WDFY3: variants seen among roughly 807,000 people sequenced by gnomAD.
The protein encoded by WDFY3 is WD repeat and FYVE domain-containing protein 3.
A neutral mutation model predicts 409.6 loss-of-function variants in WDFY3; 66 were observed. The observed-to-expected ratio is 0.16, with a 90% CI of 0.13 to 0.20. WDFY3 has a LOEUF of 0.20. Ranked by LOEUF, WDFY3 falls within the 10% of genes least tolerant of loss-of-function variation. WDFY3 has a pLI of 1.00. For synonymous variants in WDFY3, 1,521 were observed against 1,537.1 expected, an observed-to-expected ratio of 0.99 and a Z score of 0.25; for missense variants, 3,031 against 4,298.1, an observed-to-expected ratio of 0.71 and a Z score of 8.24.
intron 1 of WDFY3, among the ~76,000 whole-genome samples, chr4:84,964,719 T>C (rs1484161961): frequency 6.6e-6 from 1 of 152,210 alleles, no homozygotes; most frequent in African/African-American, 2.4e-5. Flanking sequence ...AATTGTTTTC[T>C]CTTTGTTGCC....
chr4:84,673,187 C>G (rs990804114), intron 67 of WDFY3, among the ~76,000 whole-genome samples, 196 bp from the exon 68 acceptor site: 27 of 152,012 alleles, frequency 1.8e-4, no homozygotes, highest in African/African-American at 6.3e-4. Context: ...AGTATTAAAC[C>G]AGGGAAGCTA....
chr4:84,769,434 A>G (rs1335706194), intron 30 of WDFY3, among the ~76,000 whole-genome samples: 4 of 152,086 alleles, frequency 2.6e-5, no homozygotes, highest in Admixed American at 1.3e-4. Flanking sequence ...TATTTTTTTG[A>G]GACGAAGTCT....
chr4:84,829,183 CTCTT>C lies in WDFY3; in HGVS notation c.773_776del (p.Lys258SerfsTer19). The C allele has an allele frequency of 6.4e-7, 1 of 1,561,394 alleles. No individual in the cohort carries two copies. The highest frequency in any genetic ancestry group is 8.7e-7 in the Non-Finnish European group (1 of 1,151,568). ...TATTCTGAACACATGTAGATAAACA[CTCTT>C]TCTCTGTAAGAATAGATAATTAAAT... On this transcript the variant is annotated frameshift_variant, in exon 9 of 68. Coordinates refer to ENST00000295888, the MANE Select transcript of WDFY3 (RefSeq NM_014991.6). LOFTEE classifies it high-confidence loss of function.
rs1765006827 is a variant in WDFY3 at position 84,891,918 on chromosome 4, C to T, written c.-32+4993G>A. Among the ~76,000 whole-genome samples the T allele has an allele frequency of 1.3e-5, 2 of 152,068 alleles. 1 individual carries two copies. Among genetic ancestry groups the T allele is most frequent in the South Asian group, 4.1e-4 (2 of 4,830 alleles). On this transcript the variant is annotated intron_variant, in intron 3 of 67. Transcript: ENST00000295888. ...GAAAAGTCAAATTGGGACAGACCTTCAGTTCACATCAGTAATAGTAGAACT... is the reference window on the plus strand; with the variant it reads ...GAAAAGTCAAATTGGGACAGACCTTTAGTTCACATCAGTAATAGTAGAACT...
At chr4:84,964,154 C>T (rs921314532) in intron 1 of WDFY3, among the ~76,000 whole-genome samples, 13 of 152,024 alleles carry the variant, frequency 8.6e-5, no homozygotes, top group Non-Finnish European at 1.6e-4. Context: ...AGCCAAGGAC[C>T]CTCAGAAGTA....
At chr4:84,805,372 T>G (rs1198889072) in intron 15 of WDFY3, among the ~76,000 whole-genome samples, 1 of 152,180 alleles carries the variant, frequency 6.6e-6, no homozygotes, top group Non-Finnish European at 1.5e-5. Flanking sequence ...AGGAATTACA[T>G]TCATTGTTTT....
chr4:84,690,035 T>C (rs17009188), intron 61 of WDFY3, among the ~76,000 whole-genome samples: 5,603 of 152,220 alleles, frequency 0.037, 310 homozygotes, highest in African/African-American at 0.13. Context: ...TCAGAAATAC[T>C]CGTTAATTAA....
chr4:84,878,551 T>G (rs1365721762), intron 3 of WDFY3, among the ~76,000 whole-genome samples: 2 of 152,238 alleles, frequency 1.3e-5, no homozygotes, highest in Non-Finnish European at 2.9e-5. Flanking sequence ...TTTACATTTT[T>G]CACAAAATAT....
chr4:84,710,751 A>G (rs1732747492), intron 51 of WDFY3, among the ~76,000 whole-genome samples: 1 of 152,226 alleles, frequency 6.6e-6, no homozygotes, highest in Non-Finnish European at 1.5e-5. Context: ...CCAACTCAGC[A>G]CAGGCAGTAG....
intron 1 of WDFY3, among the ~76,000 whole-genome samples, chr4:84,946,409 T>C (rs1459074658): frequency 6.6e-6 from 1 of 152,182 alleles, no homozygotes; most frequent in African/African-American, 2.4e-5. Context: ...AAATTTAGGT[T>C]GTAAAATATC....
intron 36 of WDFY3, among the ~76,000 whole-genome samples, chr4:84,751,086 T>C (rs544510216): frequency 1.7e-4 from 26 of 152,276 alleles, no homozygotes; most frequent in Non-Finnish European, 1.5e-4. Flanking sequence ...GCTGTTTCTG[T>C]AGATAAAGTT....
intron 25 of WDFY3, among the ~76,000 whole-genome samples, chr4:84,780,584 C>G (rs1427116834): frequency 6.6e-6 from 1 of 151,698 alleles, no homozygotes; most frequent in African/African-American, 2.4e-5. Flanking sequence ...TGGTGAAACC[C>G]CAAACCCCGT....
At position 84,841,230 on chromosome 4, in the gene WDFY3, T is replaced by C; in HGVS notation, c.338A>G (p.Glu113Gly). The part of the protein sequence containing the change: ...AASRAIVQFL[E>G]INQSEEASRG... Reference sequence around the variant, plus strand: ...ACTGGCTTCTTCACTCTGATTAATCTCTAGGAACTGAACTATGGCCCGACT... The same window carrying C: ...ACTGGCTTCTTCACTCTGATTAATCCCTAGGAACTGAACTATGGCCCGACT... The change falls in exon 6 of 68, where the codon GAG (glutamate) becomes GGG (glycine). Residue 113 changes from glutamate (E) to glycine (G), a missense_variant. Glu to Gly is a moderately conservative substitution (Grantham distance 98, BLOSUM62 -2). Transcript: ENST00000295888. 6.2e-7 allele frequency: 1 copy of C among 1,612,842 alleles called. No homozygotes were observed.
intron 16 of WDFY3, among the ~76,000 whole-genome samples, chr4:84,802,470 G>A (rs1000812970): frequency 4.0e-5 from 6 of 151,362 alleles, no homozygotes; most frequent in African/African-American, 1.5e-4. Flanking sequence ...GAGTTTCACT[G>A]TGTTAGCCAG....
chr4:84,922,057 A>G (rs1018706473), intron 2 of WDFY3, among the ~76,000 whole-genome samples: 7 of 152,010 alleles, frequency 4.6e-5, no homozygotes, highest in South Asian at 2.1e-4. Flanking sequence ...TATATGTATA[A>G]TATACATAAA....
chr4:84,943,669 G>GT (rs1310559762), intron 1 of WDFY3, among the ~76,000 whole-genome samples: 2 of 151,952 alleles, frequency 1.3e-5, no homozygotes, highest in Non-Finnish European at 2.9e-5. Context: ...CCCCAACATG[G>GT]TTCAAAGATC....
intron 1 of WDFY3, among the ~76,000 whole-genome samples, chr4:84,935,585 A>G (rs1397892321): frequency 1.3e-5 from 2 of 152,044 alleles, no homozygotes; most frequent in Non-Finnish European, 2.9e-5. Context: ...TGTGTATTTT[A>G]TATGTATTTG....
intron 4 of WDFY3, among the ~76,000 whole-genome samples, chr4:84,852,645 G>A (rs1167960465): frequency 2.0e-5 from 3 of 152,074 alleles, no homozygotes; most frequent in Non-Finnish European, 2.9e-5. Context: ...AAAATAAACT[G>A]TACTTTTCAA....
At chr4:84,702,712 G>GT (rs1178402382) in intron 55 of WDFY3, among the ~76,000 whole-genome samples, 1 of 152,142 alleles carries the variant, frequency 6.6e-6, no homozygotes, top group Non-Finnish European at 1.5e-5. Context: ...CTCTGCATTT[G>GT]TTTTTATAAT....
Sources: gnomAD v4.1 joint callset for allele counts (sites outside exome capture counted in the v4.1 genomes callset) on GRCh38, gnomAD v4.1.1 for gene constraint, MANE v1.5 for transcripts, NCBI Gene and HGNC (gene_info 2026-07-23, HGNC 2026-07-21) for gene names.